HS6ST3: variants seen among roughly 807,000 people sequenced by gnomAD.
HS6ST3 encodes the protein heparan-sulfate 6-O-sulfotransferase 3.
HS6ST3 carries 12 observed loss-of-function variants against 36.7 expected under a neutral mutation model. The ratio of observed to expected loss-of-function variants is 0.33; its 90% CI spans 0.21 to 0.53. The LOEUF is 0.53. HS6ST3 is among the 20% of genes least tolerant of loss of function. The pLI, the probability that HS6ST3 is intolerant of heterozygous loss-of-function variation, is 0.95. For synonymous variants in HS6ST3, 240 were observed against 257.5 expected (o/e 0.93, Z 0.65); for missense variants, 584 against 640.9 (o/e 0.91, Z 0.96).
chr13:96,152,401 G>C (rs572596965), intron 1 of HS6ST3, among the ~76,000 whole-genome samples: 3 of 143,554 alleles, frequency 2.1e-5, no homozygotes, highest in South Asian at 2.2e-4. Context: ...GCAGTGGAGC[G>C]ATCTCAGCTC....
intron 1 of HS6ST3, among the ~76,000 whole-genome samples, chr13:96,592,240 G>C (rs946514785): frequency 6.6e-6 from 1 of 151,946 alleles, no homozygotes; most frequent in Non-Finnish European, 1.5e-5. Flanking sequence ...ACAACTAAAC[G>C]CTGTTTGCAT....
At chr13:96,304,323 A>G (rs2054898590) in intron 1 of HS6ST3, among the ~76,000 whole-genome samples, 1 of 152,178 alleles carries the variant, frequency 6.6e-6, no homozygotes, top group Non-Finnish European at 1.5e-5. Flanking sequence ...GAGGCACCAG[A>G]GTCTTCTGTG....
intron 1 of HS6ST3, among the ~76,000 whole-genome samples, chr13:96,592,895 T>G (rs753451945): frequency 6.6e-6 from 1 of 152,080 alleles, no homozygotes; most frequent in Non-Finnish European, 1.5e-5. Flanking sequence ...AGTGTGATTA[T>G]TAAATGCTTT....
intron 1 of HS6ST3, among the ~76,000 whole-genome samples, chr13:96,712,586 C>T (rs535758658): frequency 6.6e-6 from 1 of 152,184 alleles, no homozygotes; most frequent in East Asian, 1.9e-4. Flanking sequence ...GCTTTGGGAG[C>T]GCCAAATAGC....
chr13:96,099,322 G>A (rs1475921858), intron 1 of HS6ST3, among the ~76,000 whole-genome samples: 1 of 152,094 alleles, frequency 6.6e-6, no homozygotes. Flanking sequence ...TTCTCCTCCT[G>A]AATAGTGTAA....
chr13:96,225,714 C>T (rs983042576), intron 1 of HS6ST3, among the ~76,000 whole-genome samples: 1 of 152,130 alleles, frequency 6.6e-6, no homozygotes, highest in African/African-American at 2.4e-5. Flanking sequence ...TGTTATTTAT[C>T]TGGCAATTCT....
chr13:96,742,578 A>C (rs1042513923), intron 1 of HS6ST3, among the ~76,000 whole-genome samples: 1 of 152,038 alleles, frequency 6.6e-6, no homozygotes, highest in Non-Finnish European at 1.5e-5. Flanking sequence ...AAAATTTCCA[A>C]CTCATGCACA....
chr13:96,449,596 C>T (rs978522990), intron 1 of HS6ST3, among the ~76,000 whole-genome samples: 3 of 152,094 alleles, frequency 2.0e-5, no homozygotes, highest in Non-Finnish European at 2.9e-5. Flanking sequence ...TAAATTTATC[C>T]TCAGGAGACC....
intron 1 of HS6ST3, among the ~76,000 whole-genome samples, chr13:96,772,477 G>C (rs1029796611): frequency 6.6e-6 from 1 of 152,132 alleles, no homozygotes; most frequent in African/African-American, 2.4e-5. Context: ...CTAATACTCA[G>C]AATATTTTAA....
intron 1 of HS6ST3, among the ~76,000 whole-genome samples, chr13:96,714,129 A>T (rs1472383069): frequency 1.3e-5 from 2 of 152,180 alleles, no homozygotes; most frequent in Non-Finnish European, 2.9e-5. Flanking sequence ...GTAGGGAGAG[A>T]TTTCTAAAGG....
At chr13:96,216,997 C>T (rs1315505022) in intron 1 of HS6ST3, among the ~76,000 whole-genome samples, 1 of 152,172 alleles carries the variant, frequency 6.6e-6, no homozygotes, top group Non-Finnish European at 1.5e-5. Context: ...TGTGACCACA[C>T]CCTGTCTTCT....
intron 1 of HS6ST3, among the ~76,000 whole-genome samples, chr13:96,743,509 T>G (rs1876491891): frequency 6.6e-6 from 1 of 152,110 alleles, no homozygotes; most frequent in Non-Finnish European, 1.5e-5. Context: ...CTAGGAGCGC[T>G]GCATACTGTG....
chr13:96,452,617 C>A (rs117711990), intron 1 of HS6ST3, among the ~76,000 whole-genome samples: 3,137 of 151,826 alleles, frequency 0.021, 45 homozygotes, highest in Non-Finnish European at 0.033. Context: ...TTAAAATAAT[C>A]TACATTTTTC....
At chr13:96,752,389 G>C (rs1876722930) in intron 1 of HS6ST3, among the ~76,000 whole-genome samples, 2 of 152,020 alleles carry the variant, frequency 1.3e-5, no homozygotes, top group Admixed American at 6.6e-5. Context: ...ACGTCAAATT[G>C]CTTTGCAAAG....
chr13:96,668,806 A>G (rs930486827), intron 1 of HS6ST3, among the ~76,000 whole-genome samples: 5 of 145,892 alleles, frequency 3.4e-5, no homozygotes, highest in African/African-American at 1.3e-4. Flanking sequence ...CAGTTTTTCT[A>G]TAAAGATAGG....
intron 1 of HS6ST3, among the ~76,000 whole-genome samples, chr13:96,475,526 C>T (rs1006203616): frequency 1.3e-5 from 2 of 149,526 alleles, no homozygotes; most frequent in Non-Finnish European, 2.9e-5. Context: ...TGACCATCAG[C>T]AGTCTGTTAA....
At chr13:96,690,357 A>C (rs1874922103) in intron 1 of HS6ST3, among the ~76,000 whole-genome samples, 1 of 152,138 alleles carries the variant, frequency 6.6e-6, no homozygotes, top group Non-Finnish European at 1.5e-5. Flanking sequence ...AAATGTAATC[A>C]AGTCATCCTT....
At chr13:96,381,640 C>G (rs1417834700) in intron 1 of HS6ST3, among the ~76,000 whole-genome samples, 1 of 152,160 alleles carries the variant, frequency 6.6e-6, no homozygotes, top group Non-Finnish European at 1.5e-5. Context: ...ATATTTCTCA[C>G]TAAGTGCTCA....
chr13:96,175,810 G>T (rs987265317), intron 1 of HS6ST3, among the ~76,000 whole-genome samples: 1 of 151,078 alleles, frequency 6.6e-6, no homozygotes, highest in African/African-American at 2.4e-5. Context: ...CTGAGGATAT[G>T]AATTAGGTTT....
Sources: allele counts gnomAD v4.1 joint callset (sites outside exome capture counted in the v4.1 genomes callset), GRCh38; gene constraint gnomAD v4.1.1; transcripts MANE v1.5; gene names NCBI Gene and HGNC (gene_info 2026-07-23, HGNC 2026-07-21).